The following CRTAC1 variants were observed in gnomAD, a reference collection of about 807,000 sequenced individuals.
CRTAC1 encodes cartilage acidic protein 1, also known as acidic secreted protein in cartilage.
CRTAC1 carries 37 observed loss-of-function variants against 67.8 expected under a neutral mutation model. That is an observed-to-expected ratio of 0.55 (90% CI 0.42 to 0.72). The LOEUF (loss-of-function observed/expected upper bound fraction) is 0.72, where lower values mean the gene tolerates loss of function less well. CRTAC1 is among the 30% of genes least tolerant of loss of function. CRTAC1 has a pLI of 0.00. For missense variants in CRTAC1, 780 were observed against 931.6 expected, an observed-to-expected ratio of 0.84 and a Z score of 2.12; for synonymous variants, 348 against 371.0, an observed-to-expected ratio of 0.94 and a Z score of 0.71.
rs1480229441 is a variant in CRTAC1, at chr10:97,975,034, C to T, written c.224+36104G>A. 4.0e-5 allele frequency among the ~76,000 whole-genome samples: 6 copies of T among 151,700 alleles called. No individual in the cohort carries two copies. The highest frequency in any genetic ancestry group is 1.2e-4 in the African/African-American group (5 of 41,276). ...GAGCCCGCGGGAGGAGGCCGGAGCG[C>T]GGGCAGGGACTGGCGCGGGATCGAT... On this transcript the variant is annotated intron_variant, in intron 2 of 14. Transcript: ENST00000370597. The surrounding 1 kb of genome is among the most constrained non-coding windows in gnomAD (Gnocchi z 4.8).
chr10:97,878,250 G>A (rs1170222727), intron 14 of CRTAC1: 1 of 188,548 alleles, frequency 5.3e-6, no homozygotes, highest in African/African-American at 2.4e-5. Flanking sequence ...TTAGTTCTAT[G>A]TCAATACACA....
intron 2 of CRTAC1, among the ~76,000 whole-genome samples, chr10:97,988,555 A>C (rs1212568741): frequency 1.3e-5 from 2 of 152,142 alleles, no homozygotes; most frequent in Non-Finnish European, 2.9e-5. Flanking sequence ...CTCCGTCTCT[A>C]CTAAAAATAT....
At chr10:98,023,840 G>GC (rs2136708113) in intron 1 of CRTAC1, among the ~76,000 whole-genome samples, 1 of 152,334 alleles carries the variant, frequency 6.6e-6, no homozygotes, top group East Asian at 1.9e-4. Flanking sequence ...TCTCAGGGGA[G>GC]CCTCAAGTGA....
At chr10:97,950,802 G>A (rs1034239768) in intron 2 of CRTAC1, among the ~76,000 whole-genome samples, 4 of 152,346 alleles carry the variant, frequency 2.6e-5, no homozygotes, top group Admixed American at 2.6e-4. Context: ...AATAGGAAAG[G>A]AAGTCAAGAT....
intron 2 of CRTAC1, among the ~76,000 whole-genome samples, chr10:97,940,244 G>A (rs2051151886): frequency 6.6e-6 from 1 of 152,238 alleles, no homozygotes; most frequent in South Asian, 2.1e-4. Flanking sequence ...GAGGTTCAGA[G>A]GTTAGATGAC....
At chr10:97,892,120 G>T (rs532849608) in intron 11 of CRTAC1, among the ~76,000 whole-genome samples, 1 of 152,308 alleles carries the variant, frequency 6.6e-6, no homozygotes, top group African/African-American at 2.4e-5. Flanking sequence ...GGGAGTAGGT[G>T]CCCAGAAGGG....
chr10:97,977,393 C>T (rs913426488), intron 2 of CRTAC1, among the ~76,000 whole-genome samples: 3 of 152,134 alleles, frequency 2.0e-5, no homozygotes, highest in South Asian at 2.1e-4. Context: ...TGCATCTCAG[C>T]GGGTTCTTTT....
chr10:98,020,375 C>T (rs1478547747), intron 1 of CRTAC1, among the ~76,000 whole-genome samples: 5 of 152,224 alleles, frequency 3.3e-5, no homozygotes, highest in African/African-American at 1.2e-4. Context: ...CCACTTAATA[C>T]ACATAGTAAG....
At chr10:97,920,027 G>A (rs1480932680) in intron 4 of CRTAC1, among the ~76,000 whole-genome samples, 1 of 152,034 alleles carries the variant, frequency 6.6e-6, no homozygotes, top group East Asian at 1.9e-4. Context: ...CTGGTTAAGG[G>A]TTTGAGCCAC....
intron 14 of CRTAC1, chr10:97,878,526 T>G: frequency 1.8e-6 from 2 of 1,114,862 alleles, no homozygotes; most frequent in South Asian, 3.4e-5. Context: ...TGGGATGACT[T>G]TTTTTCCCCA....
chr10:97,996,326 C>A (rs1842567240), intron 2 of CRTAC1, among the ~76,000 whole-genome samples: 1 of 150,214 alleles, frequency 6.7e-6, no homozygotes, highest in Admixed American at 6.6e-5. Context: ...ATTTTCGCAA[C>A]CTACTCATCT....
intron 2 of CRTAC1, among the ~76,000 whole-genome samples, chr10:98,009,687 C>T (rs1229793274): frequency 6.6e-6 from 1 of 152,194 alleles, no homozygotes; most frequent in African/African-American, 2.4e-5. Flanking sequence ...AATAATGTTA[C>T]CCGCCAGTTA....
chr10:97,956,995 T>G (rs77133348), intron 2 of CRTAC1, among the ~76,000 whole-genome samples: 1 of 151,578 alleles, frequency 6.6e-6, no homozygotes, highest in East Asian at 1.9e-4. Flanking sequence ...TTTTTTTTTT[T>G]GGCAGAGATA....
chr10:98,009,964 T>C (rs1329010844), intron 2 of CRTAC1, among the ~76,000 whole-genome samples: 1 of 152,116 alleles, frequency 6.6e-6, no homozygotes, highest in Non-Finnish European at 1.5e-5. Context: ...ATAGTGCTGT[T>C]GGGGATGAAA....
chr10:97,936,752 T>G (rs1413270524), intron 2 of CRTAC1, among the ~76,000 whole-genome samples: 2 of 152,232 alleles, frequency 1.3e-5, no homozygotes, highest in African/African-American at 4.8e-5. Flanking sequence ...CTCATTAATT[T>G]AAATTTAACA....
At chr10:97,948,626 T>C (rs924597884) in intron 2 of CRTAC1, among the ~76,000 whole-genome samples, 2 of 151,980 alleles carry the variant, frequency 1.3e-5, no homozygotes, top group African/African-American at 2.4e-5. Context: ...AGCTGATGGG[T>C]TGGGCCTGGA....
At chr10:97,934,583 C>G (rs2051053043) in intron 3 of CRTAC1, among the ~76,000 whole-genome samples, 1 of 152,134 alleles carries the variant, frequency 6.6e-6, no homozygotes, top group African/African-American at 2.4e-5. Context: ...GCTCAACAAC[C>G]AGTAATGGTA....
At chr10:97,982,039 T>C (rs551931001) in intron 2 of CRTAC1, among the ~76,000 whole-genome samples, 52 of 152,314 alleles carry the variant, frequency 3.4e-4, no homozygotes, top group Non-Finnish European at 5.7e-4. Context: ...CACTGTGGCT[T>C]TAAGTCATGT....
rs1455975690 is a variant in CRTAC1, at chr10:98,030,085, C to T, written c.24+364G>A. Among the ~76,000 whole-genome samples, 4 of 152,140 alleles carry T rather than the reference C, an allele frequency of 2.6e-5. No homozygotes were observed. Among genetic ancestry groups the T allele is most frequent in the Non-Finnish European group, 5.9e-5 (4 of 68,018 alleles). On this transcript the variant is annotated intron_variant, in intron 1 of 14. Coordinates refer to ENST00000370597, the MANE Select transcript of CRTAC1 (RefSeq NM_018058.7). The surrounding 1 kb of genome is among the most constrained non-coding windows in gnomAD (Gnocchi z 4.2). ...GACTCTCCCGATAGCCCGGCACATC[C>T]CTCCTCACCCGCTCCGCCCCCTCCA... is the stretch of plus-strand genomic sequence containing the variant.
Sources: allele counts gnomAD v4.1 joint callset (sites outside exome capture counted in the v4.1 genomes callset), GRCh38; gene constraint gnomAD v4.1.1; non-coding constraint Gnocchi (gnomAD v3.1); transcripts MANE v1.5; gene names NCBI Gene and HGNC (gene_info 2026-07-23, HGNC 2026-07-21).